The following KIZ variants were observed in gnomAD, a reference collection of about 807,000 sequenced individuals.
KIZ encodes the protein centrosomal protein kizuna.
KIZ carries 68 observed loss-of-function variants against 79.6 expected under a neutral mutation model. That is an observed-to-expected ratio of 0.85 (90% CI 0.70 to 1.05). KIZ has a LOEUF of 1.05. Ranked by LOEUF, KIZ falls within the 50% of genes least tolerant of loss-of-function variation. The pLI, the probability that KIZ is intolerant of heterozygous loss-of-function variation, is 0.00. For synonymous variants in KIZ, 280 were observed against 281.8 expected, an observed-to-expected ratio of 0.99 and a Z score of 0.06; for missense variants, 797 against 800.4, an observed-to-expected ratio of 1.00 and a Z score of 0.05.
At chr20:21,219,588 G>A (rs1056949207) in intron 9 of KIZ, among the ~76,000 whole-genome samples, 3 of 152,176 alleles carry the variant, frequency 2.0e-5, no homozygotes, top group African/African-American at 4.8e-5. Context: ...AGAGTTCTGG[G>A]ATTATAGGCA....
At chr20:21,178,169 G>A (rs1240119678) in intron 6 of KIZ, among the ~76,000 whole-genome samples, 1 of 151,990 alleles carries the variant, frequency 6.6e-6, no homozygotes, top group Non-Finnish European at 1.5e-5. Context: ...TGCTTTGGTA[G>A]TATGGACACT....
At chr20:21,143,680 G>A (rs1431754930) in intron 3 of KIZ, among the ~76,000 whole-genome samples, 1 of 152,166 alleles carries the variant, frequency 6.6e-6, no homozygotes, top group Non-Finnish European at 1.5e-5. Context: ...TTAACTCAGT[G>A]CTCTTGGGTT....
In KIZ at chr20:21,192,024, A is replaced by G. The variant is rs1031275285; in HGVS notation, c.1353-13467A>G. Among the ~76,000 whole-genome samples the G allele has an allele frequency of 1.3e-5, 2 of 152,100 alleles. 1 individual carries two copies. Among genetic ancestry groups the G allele is most frequent in the South Asian group, 4.2e-4 (2 of 4,816 alleles). ...AGCTTCTGCCGGCGGGGAGGGGTAC[A>G]CTGGGATTGGAAGAAGGGAAACCAG... On this transcript the variant is annotated intron_variant, in intron 6 of 12. Transcript: ENST00000619189.
intron 3 of KIZ, among the ~76,000 whole-genome samples, chr20:21,143,814 C>T (rs1422910952): frequency 1.3e-5 from 2 of 152,136 alleles, no homozygotes; most frequent in Non-Finnish European, 2.9e-5. Flanking sequence ...GTGGAAAACT[C>T]CTGCTCTCCA....
intron 4 of KIZ, chr20:21,153,900 C>G (rs1054909370): frequency 6.6e-6 from 1 of 152,096 alleles, no homozygotes; most frequent in African/African-American, 2.4e-5. Context: ...CTTTAAGGCC[C>G]TATCCTTTAA....
intron 9 of KIZ, among the ~76,000 whole-genome samples, chr20:21,217,414 GTTTAA>G (rs2036336386): frequency 2.0e-5 from 3 of 152,226 alleles, no homozygotes; most frequent in Admixed American, 6.5e-5. Context: ...CAAGTATGTA[GTTTAA>G]TTTAAGACAG....
At chr20:21,136,973 A>C (rs1044378243) in intron 3 of KIZ, among the ~76,000 whole-genome samples, 5 of 152,220 alleles carry the variant, frequency 3.3e-5, no homozygotes, top group Non-Finnish European at 5.9e-5. Flanking sequence ...TAAGGAATCA[A>C]TGGGATATCT....
At chr20:21,167,383 A>G (rs1008367779) in intron 6 of KIZ, among the ~76,000 whole-genome samples, 3 of 152,006 alleles carry the variant, frequency 2.0e-5, no homozygotes, top group African/African-American at 7.3e-5. Flanking sequence ...TTCAGCAGCC[A>G]AGGTAACCTG....
At chr20:21,131,977 CT>C (rs113443636) in intron 1 of KIZ, 119 bp from the exon 2 acceptor site, 43 of 593,262 alleles carry the variant, frequency 7.2e-5, no homozygotes, top group Non-Finnish European at 1.0e-4. Context: ...GGTATTTGGG[CT>C]TTTTTTGACC....
chr20:21,139,693 T>C (rs1168620054), intron 3 of KIZ, among the ~76,000 whole-genome samples: 1 of 152,172 alleles, frequency 6.6e-6, no homozygotes, highest in African/African-American at 2.4e-5. Flanking sequence ...ATTTTTTATA[T>C]TGAGAGCATT....
chr20:21,166,419 T>G (rs1263849580), intron 6 of KIZ: 2 of 1,595,524 alleles, frequency 1.3e-6, no homozygotes, highest in Non-Finnish European at 1.7e-6. Context: ...CACAACAATT[T>G]CCCAGCTCTG....
chr20:21,225,026 G>A (rs1478455521), intron 9 of KIZ, among the ~76,000 whole-genome samples: 1 of 152,076 alleles, frequency 6.6e-6, no homozygotes, highest in Non-Finnish European at 1.5e-5. Flanking sequence ...TCAGCACTTT[G>A]CAGAAAGATA....
At chr20:21,196,536 T>C (rs1474867863) in intron 6 of KIZ, 1 of 152,258 alleles carries the variant, frequency 6.6e-6, no homozygotes, top group Non-Finnish European at 1.5e-5. Flanking sequence ...AATTGAGTGA[T>C]GACAAGATAA....
intron 11 of KIZ, among the ~76,000 whole-genome samples, 174 bp from the exon 12 acceptor site, chr20:21,244,071 A>G (rs1000308879): frequency 6.6e-6 from 1 of 152,204 alleles, no homozygotes; most frequent in Non-Finnish European, 1.5e-5. Flanking sequence ...GACCCTCCCG[A>G]CAAGGCCACG....
intron 4 of KIZ, chr20:21,160,887 T>G (rs533554236): frequency 1.3e-5 from 2 of 152,554 alleles, no homozygotes; most frequent in South Asian, 4.1e-4. Flanking sequence ...AGAAAGCAGT[T>G]CCTTACCAGA....
intron 6 of KIZ, among the ~76,000 whole-genome samples, chr20:21,170,561 TG>T (rs1600443815): frequency 6.6e-6 from 1 of 152,088 alleles, no homozygotes; most frequent in African/African-American, 2.4e-5. Flanking sequence ...GCTAATTTTT[TG>T]TATTTTTAGT....
chr20:21,216,919 G>A (rs2036315940), intron 9 of KIZ, among the ~76,000 whole-genome samples: 1 of 152,108 alleles, frequency 6.6e-6, no homozygotes, highest in Admixed American at 6.5e-5. Context: ...TAATGCAAAT[G>A]TATTTTCTCA....
At chr20:21,217,903 G>A (rs1313859427) in intron 9 of KIZ, among the ~76,000 whole-genome samples, 1 of 152,156 alleles carries the variant, frequency 6.6e-6, no homozygotes, top group East Asian at 1.9e-4. Context: ...AGAGAATGAG[G>A]ATGCAGCATC....
chr20:21,142,842 A>C (rs924458870), intron 3 of KIZ, among the ~76,000 whole-genome samples: 1 of 149,182 alleles, frequency 6.7e-6, no homozygotes, highest in African/African-American at 2.6e-5. Context: ...TTTCTCCTTG[A>C]AAATTCAGTC....
Sources: allele counts gnomAD v4.1 joint callset (sites outside exome capture counted in the v4.1 genomes callset), GRCh38; gene constraint gnomAD v4.1.1; transcripts MANE v1.5; gene names NCBI Gene and HGNC (gene_info 2026-07-23, HGNC 2026-07-21).